The following MAML1 variants were observed in gnomAD, a reference collection of about 807,000 sequenced individuals.
MAML1 encodes mastermind like transcriptional coactivator 1, also known as mastermind-like protein 1.
A neutral mutation model predicts 77.1 loss-of-function variants in MAML1; 14 were observed. That is an observed-to-expected ratio of 0.18 (90% CI 0.12 to 0.28). The LOEUF is 0.28. MAML1 is among the 10% of genes least tolerant of loss of function. The probability of loss-of-function intolerance (pLI) is 1.00; values close to 1 mark genes in which losing one functional copy is unlikely to be tolerated. For missense variants in MAML1, 1,217 were observed against 1,327.8 expected, an observed-to-expected ratio of 0.92 and a Z score of 1.30; for synonymous variants, 516 against 551.9, an observed-to-expected ratio of 0.93 and a Z score of 0.91.
intron 1 of MAML1, among the ~76,000 whole-genome samples, chr5:179,762,294 G>A (rs1045143856): frequency 1.3e-5 from 2 of 152,148 alleles, no homozygotes; most frequent in African/African-American, 4.8e-5. Context: ...AGTCCAAAAG[G>A]TGTGGCCAGC....
chr5:179,734,050 T>C (rs1779119427), intron 1 of MAML1, among the ~76,000 whole-genome samples: 1 of 152,252 alleles, frequency 6.6e-6, no homozygotes, highest in Non-Finnish European at 1.5e-5. Context: ...AGTTTTAATT[T>C]ATCAGGCCTG....
At chr5:179,746,871 G>A (rs1779393119) in intron 1 of MAML1, among the ~76,000 whole-genome samples, 1 of 152,152 alleles carries the variant, frequency 6.6e-6, no homozygotes, top group Non-Finnish European at 1.5e-5. Context: ...ATAACAAAAA[G>A]CCTTTAGCAA....
chr5:179,773,980 G>C lies in MAML1; in HGVS notation c.2154G>C (p.Leu718=), dbSNP rs756817768. ...CPRVFPQAGN[L]MPMGPGHASV... The stretch of plus-strand genomic sequence containing the variant: ...GAGTGTTCCCTCAGGCTGGGAATCT[G>C]ATGCCAATGGGCCCTGGACATGCTT... The change falls in exon 5 of 5, where the codon CTG becomes CTC. Residue 718 remains leucine, a synonymous_variant. Coordinates refer to ENST00000292599, the MANE Select transcript of MAML1 (RefSeq NM_014757.5). 1.9e-6 allele frequency: 3 copies of C among 1,614,230 alleles called. No homozygotes were observed. The highest frequency in any genetic ancestry group is 8.5e-7 in the Non-Finnish European group (1 of 1,180,050).
chr5:179,739,074 G>A (rs966364184), intron 1 of MAML1, among the ~76,000 whole-genome samples: 6 of 151,876 alleles, frequency 4.0e-5, no homozygotes, highest in African/African-American at 9.7e-5. Context: ...ATTAATTCAT[G>A]CAGCAAATAT....
At position 179,750,371 on chromosome 5, in the gene MAML1, T is replaced by C. The variant is rs542318368; in HGVS notation, c.316-14955T>C. Among the ~76,000 whole-genome samples, 4 of 151,188 alleles carry C rather than the reference T, an allele frequency of 2.6e-5. No homozygotes were observed. In the South Asian group the frequency reaches 6.3e-4, roughly 24 times the overall value. On this transcript the variant is annotated intron_variant, in intron 1 of 4. Coordinates refer to ENST00000292599, the MANE Select transcript of MAML1 (RefSeq NM_014757.5). ...TCGGGAGTACGTCTCAGCTAGAATA[T>C]AGGCTCTAGGAGAGCCTGTGGTTTT...
intron 1 of MAML1, among the ~76,000 whole-genome samples, chr5:179,735,627 A>G (rs1263274384): frequency 6.6e-6 from 1 of 151,272 alleles, no homozygotes; most frequent in East Asian, 2.0e-4. Context: ...CTGACCTCAG[A>G]TAATCCACCC....
intron 1 of MAML1, among the ~76,000 whole-genome samples, chr5:179,733,680 A>C (rs925144081): frequency 6.6e-6 from 1 of 152,256 alleles, no homozygotes; most frequent in Non-Finnish European, 1.5e-5. Context: ...GGCGAACGCT[A>C]ACCGGAGGGT....
Position 179,776,110 on chromosome 5 carries a change from T to C in MAML1, c.*1233T>C, listed in dbSNP as rs1332864913. ...AATAGAATATGACATGTGAGCTGTT[T>C]TTGGAAAACGAAGATGGAGAGAGCA... is the stretch of plus-strand genomic sequence containing the variant. On this transcript the variant is annotated 3_prime_UTR_variant, in exon 5 of 5. Coordinates refer to ENST00000292599, the MANE Select transcript of MAML1 (RefSeq NM_014757.5). The C allele has an allele frequency of 1.0e-6, 1 of 985,818 alleles. No homozygotes were observed. Among genetic ancestry groups the C allele is most frequent in the Non-Finnish European group, 1.2e-6 (1 of 829,966 alleles). The allele number at this position is 985,818 out of a possible 1,614,324, so 61.1% of individuals were successfully genotyped here.
In MAML1 at chr5:179,773,907, C is replaced by T. The variant is rs745503344; in HGVS notation, c.2081C>T (p.Ala694Val). The change falls in exon 5 of 5, where the codon GCC (alanine) becomes GTC (valine). Residue 694 changes from alanine to valine, a missense_variant. By Grantham distance (64) the Ala-to-Val change is moderately conservative. Coordinates refer to ENST00000292599, the MANE Select transcript of MAML1 (RefSeq NM_014757.5). Reference sequence around the variant, plus strand: ...CTCTGTCTTGTAGGGTCCTCTGCTGCCGTGCCCGGCATGAACACCTTGGGT... The same window carrying T: ...CTCTGTCTTGTAGGGTCCTCTGCTGTCGTGCCCGGCATGAACACCTTGGGT... ...QVGQFTGSSA[A>V]VPGMNTLGPS... The T allele has an allele frequency of 1.5e-5, 25 of 1,612,952 alleles. No homozygotes were observed. The highest frequency in any genetic ancestry group is 2.0e-5 in the Non-Finnish European group (24 of 1,179,088).
intron 1 of MAML1, among the ~76,000 whole-genome samples, chr5:179,752,559 C>T (rs1183434730): frequency 8.5e-5 from 12 of 141,028 alleles, no homozygotes; most frequent in East Asian, 2.0e-4. Context: ...GTAATGAGTA[C>T]GTTTGTACTG....
At chr5:179,738,796 T>C (rs1261071995) in intron 1 of MAML1, among the ~76,000 whole-genome samples, 1 of 152,108 alleles carries the variant, frequency 6.6e-6, no homozygotes, top group East Asian at 1.9e-4. Context: ...TTTTTTTTTT[T>C]TGGAGACAGG....
At chr5:179,752,325 CAA>C (rs1177449054) in intron 1 of MAML1, among the ~76,000 whole-genome samples, 24 of 53,672 alleles carry the variant, frequency 4.5e-4, no homozygotes, top group East Asian at 6.7e-4. Flanking sequence ...ACTCTGTCTC[CAA>C]AAAAAAAAAA....
rs570932345 is a variant in MAML1, at chr5:179,774,751, C to T, written c.2925C>T (p.Ser975=). The T allele has an allele frequency of 9.3e-6, 15 of 1,612,906 alleles. No homozygotes were observed. Among genetic ancestry groups the T allele is most frequent in the Middle Eastern group, 1.6e-4 (1 of 6,062 alleles). Residue 975 remains serine, a synonymous_variant, in exon 5 of 5, where the codon AGC becomes AGT. Coordinates refer to ENST00000292599, the MANE Select transcript of MAML1 (RefSeq NM_014757.5). ...GCCAGGAGCTGCCTTTTGCCTATAG[C>T]GGGCAGCCAGGTGGCAGTGGGCTCT... ...TAGQELPFAY[S]GQPGGSGLSS... is the part of the protein sequence containing the mutation.
At position 179,775,732 on chromosome 5, in the gene MAML1, C is replaced by T. The variant is rs116135791; in HGVS notation, c.*855C>T. On this transcript the variant is annotated 3_prime_UTR_variant, in exon 5 of 5. Coordinates refer to ENST00000292599, the MANE Select transcript of MAML1 (RefSeq NM_014757.5). ...CCCACCTTCTGCAGTTTTCTCTGAACATGTATGTTGCCCATGGTGGGAGCG... is the reference window on the plus strand; with the variant it reads ...CCCACCTTCTGCAGTTTTCTCTGAATATGTATGTTGCCCATGGTGGGAGCG... 5.1e-3 allele frequency: 5,054 copies of T among 985,494 alleles called. 17 individuals carry two copies. Among genetic ancestry groups the T allele is most frequent in the Middle Eastern group, 0.042 (81 of 1,914 alleles). The allele number at this position is 985,494 out of a possible 1,614,324, so 61.0% of individuals were successfully genotyped here. A position where few individuals can be genotyped will look rare whatever the true frequency, so the allele number is the denominator to read the frequency against.
chr5:179,738,876 G>C (rs1180276460), intron 1 of MAML1, among the ~76,000 whole-genome samples: 2 of 151,952 alleles, frequency 1.3e-5, no homozygotes, highest in African/African-American at 4.8e-5. Context: ...AACCTCCCAG[G>C]CTCAAGTGAT....
At chr5:179,733,640 G>C (rs2113324952) in intron 1 of MAML1, among the ~76,000 whole-genome samples, 1 of 152,344 alleles carries the variant, frequency 6.6e-6, no homozygotes, top group South Asian at 2.1e-4. Context: ...CGCCTTGAGG[G>C]CCTTGCAGGA....
rs551958282 is a variant in MAML1, at chr5:179,757,604, G to A, written c.316-7722G>A. ...AAGTATAGCAATGTGGAGTTTTAAA[G>A]CCAATGGAACTCTAGATCATCTAAC... On this transcript the variant is annotated intron_variant, in intron 1 of 4. Coordinates refer to ENST00000292599, the MANE Select transcript of MAML1 (RefSeq NM_014757.5). 3.3e-5 allele frequency among the ~76,000 whole-genome samples: 5 copies of A among 152,132 alleles called. No homozygotes were observed. In the South Asian group the frequency reaches 1.0e-3, roughly 32 times the overall value.
At chr5:179,753,420 T>C (rs1445949734) in intron 1 of MAML1, among the ~76,000 whole-genome samples, 1 of 152,156 alleles carries the variant, frequency 6.6e-6, no homozygotes, top group Non-Finnish European at 1.5e-5. Flanking sequence ...ATAGAATTGC[T>C]GCACTTAACT....
Position 179,733,360 on chromosome 5 carries a change from C to CT in MAML1, c.248_249insT (p.Ala84GlyfsTer13). ...AGGCAGCCGCCCGCCGCCACGGCCC[C>CT]GGCGCCCGCCGCCCCGGCCCCGCGC... On this transcript the variant is annotated frameshift_variant, in exon 1 of 5. Coordinates refer to ENST00000292599, the MANE Select transcript of MAML1 (RefSeq NM_014757.5). LOFTEE classifies it high-confidence loss of function. The CT allele has an allele frequency of 8.1e-7, 1 of 1,238,916 alleles. No individual in the cohort carries two copies. Among genetic ancestry groups the CT allele is most frequent in the South Asian group, 2.8e-5 (1 of 35,754 alleles). 76.7% of individuals were successfully genotyped at this position (1,238,916 alleles called of 1,614,324 possible). A position where few individuals can be genotyped will look rare whatever the true frequency, so the allele number is the denominator to read the frequency against.
Sources: gnomAD v4.1 joint callset for allele counts (sites outside exome capture counted in the v4.1 genomes callset) on GRCh38, gnomAD v4.1.1 for gene constraint, MANE v1.5 for transcripts, NCBI Gene and HGNC (gene_info 2026-07-23, HGNC 2026-07-21) for gene names.